NRG2: variants seen among roughly 807,000 people sequenced by gnomAD.
The protein encoded by NRG2 is neuregulin 2.
A neutral mutation model predicts 73.9 loss-of-function variants in NRG2; 27 were observed. That is an observed-to-expected ratio of 0.37 (90% CI 0.27 to 0.50). The LOEUF (loss-of-function observed/expected upper bound fraction) is 0.50, where lower values mean the gene tolerates loss of function less well. NRG2 is among the 20% of genes least tolerant of loss of function. The pLI is 0.96. For synonymous variants in NRG2, 532 were observed against 541.0 expected (o/e 0.98, Z 0.23); for missense variants, 1,126 against 1,210.1 (o/e 0.93, Z 1.03).
At position 140,042,552 on chromosome 5, in the gene NRG2, C is replaced by G; in HGVS notation, c.518G>C (p.Gly173Ala). The G allele has an allele frequency of 6.2e-7, 1 of 1,611,942 alleles. No homozygotes were observed. Among genetic ancestry groups the G allele is most frequent in the East Asian group, 2.2e-5 (1 of 44,756 alleles). The change falls in exon 1 of 10, where the codon GGG becomes GCG. Residue 173 changes from glycine to alanine, a missense_variant. Around this residue, in one of 3 missense-constraint regions of NRG2, gnomAD observed 539 missense variants for 703.2 expected, o/e 0.77. Coordinates refer to ENST00000361474, the MANE Select transcript of NRG2 (RefSeq NM_004883.3). ...GCTGATCACCTGCTCGCGCTGCAGC[C>G]CCCCGCTCCGGAGCGGCCACTTGTC... is the stretch of plus-strand genomic sequence containing the variant. ...VLDKWPLRSGGLQREQVISVG... is the reference protein window; with the variant it reads ...VLDKWPLRSGALQREQVISVG...
Position 139,880,819 on chromosome 5 carries a change from C to T in NRG2, c.991+37G>A, listed in dbSNP as rs764381155. 10 of 1,560,826 alleles carry T rather than the reference C, an allele frequency of 6.4e-6. No homozygotes were observed. In the Middle Eastern group the frequency reaches 6.8e-4, roughly 106 times the overall value. On this transcript the variant is annotated intron_variant, in intron 3 of 9. Transcript: ENST00000361474. Reference sequence around the variant, plus strand: ...GGGCCACTGGCCCGCCCTGCCAAACCCCTCTAGGACCCTTCCCTCTGTCTG... The same window carrying T: ...GGGCCACTGGCCCGCCCTGCCAAACTCCTCTAGGACCCTTCCCTCTGTCTG...
chr5:139,930,083 A>G (rs1752352932), intron 1 of NRG2, among the ~76,000 whole-genome samples: 1 of 152,204 alleles, frequency 6.6e-6, no homozygotes, highest in African/African-American at 2.4e-5. Context: ...TGTTTGTGGG[A>G]CAAACGAGGA....
intron 1 of NRG2, among the ~76,000 whole-genome samples, chr5:139,956,362 C>T (rs549091049): frequency 4.6e-5 from 7 of 151,398 alleles, no homozygotes; most frequent in Non-Finnish European, 7.4e-5. Flanking sequence ...TAATCTCCCC[C>T]CTCTCTGACT....
chr5:139,853,708 GT>G lies in NRG2; in HGVS notation c.1293-682del, dbSNP rs1761623300. Among the ~76,000 whole-genome samples, 3 of 152,000 alleles carry G rather than the reference GT, an allele frequency of 2.0e-5. No individual in the cohort carries two copies. Among genetic ancestry groups the G allele is most frequent in the African/African-American group, 7.2e-5 (3 of 41,384 alleles). On this transcript the variant is annotated intron_variant, in intron 6 of 9. Coordinates refer to ENST00000361474, the MANE Select transcript of NRG2 (RefSeq NM_004883.3). This position sits in a 1 kb window ranked among gnomAD's most constrained non-coding sequence, Gnocchi z 4.1. Reference sequence around the variant, plus strand: ...TTAAATCTAATCATGTCCCTCCCCTGTTTAAGACCCTTCATTGTGAACTCAC... The same window carrying G: ...TTAAATCTAATCATGTCCCTCCCCTGTTAAGACCCTTCATTGTGAACTCAC...
chr5:139,909,309 G>A (rs1765442163), intron 1 of NRG2, among the ~76,000 whole-genome samples: 1 of 152,164 alleles, frequency 6.6e-6, no homozygotes, highest in South Asian at 2.1e-4. Flanking sequence ...AGTGAAAGGG[G>A]AAAAAACCCC....
chr5:139,870,765 C>A lies in NRG2; in HGVS notation c.1112+956G>T, dbSNP rs1400667001. 6.6e-6 allele frequency among the ~76,000 whole-genome samples: 1 copy of A among 152,218 alleles called. No individual in the cohort carries two copies. The highest frequency in any genetic ancestry group is 1.5e-5 in the Non-Finnish European group (1 of 68,032). ...TGTCTGGAGCCTATGCTGCCCTCACCAAGCTCCCCTCCCCTCCTCACACAC... is the reference window on the plus strand; with the variant it reads ...TGTCTGGAGCCTATGCTGCCCTCACAAAGCTCCCCTCCCCTCCTCACACAC... On this transcript the variant is annotated intron_variant, in intron 4 of 9. Transcript: ENST00000361474. This position sits in a 1 kb window ranked among gnomAD's most constrained non-coding sequence, Gnocchi z 4.4.
intron 1 of NRG2, among the ~76,000 whole-genome samples, chr5:139,896,626 C>T (rs1764556596): frequency 6.6e-6 from 1 of 152,172 alleles, no homozygotes; most frequent in Non-Finnish European, 1.5e-5. Context: ...TCTTCTCTTC[C>T]AAGATTGCTC....
chr5:139,922,894 G>A (rs1751778344), intron 1 of NRG2, among the ~76,000 whole-genome samples: 1 of 152,196 alleles, frequency 6.6e-6, no homozygotes, highest in Admixed American at 6.5e-5. Flanking sequence ...AGACATTCTG[G>A]AAAAGGCAAA....
intron 1 of NRG2, among the ~76,000 whole-genome samples, chr5:139,999,098 C>T (rs1758243627): frequency 6.6e-6 from 1 of 152,122 alleles, no homozygotes; most frequent in Non-Finnish European, 1.5e-5. Context: ...AGCTGGAGTT[C>T]CTCATCCTTC....
intron 1 of NRG2, among the ~76,000 whole-genome samples, chr5:139,909,361 C>G (rs1277740565): frequency 1.3e-5 from 2 of 152,192 alleles, no homozygotes; most frequent in East Asian, 3.9e-4. Flanking sequence ...GACTCCGAGT[C>G]TTACCTATAC....
rs769308716 is a variant in NRG2 at position 140,043,078 on chromosome 5, GC to G, written c.-10del. 4.5e-6 allele frequency: 7 copies of G among 1,571,048 alleles called. No individual in the cohort carries two copies. The highest frequency in any genetic ancestry group is 6.0e-6 in the Non-Finnish European group (7 of 1,167,554). ...CAGCAAACCTGCCGCATCTGGCCAG[GC>G]CATTTGGGGGGCTCCGCCGCTCAGC... On this transcript the variant is annotated 5_prime_UTR_variant, in exon 1 of 10. Transcript: ENST00000361474. This position sits in a 1 kb window ranked among gnomAD's most constrained non-coding sequence, Gnocchi z 6.7.
chr5:140,001,345 GT>G (rs1561743399), intron 1 of NRG2, among the ~76,000 whole-genome samples: 1 of 152,134 alleles, frequency 6.6e-6, no homozygotes. Context: ...GATACCATTA[GT>G]TTTTTCACAC....
At chr5:140,025,164 C>T (rs1363297837) in intron 1 of NRG2, among the ~76,000 whole-genome samples, 1 of 152,146 alleles carries the variant, frequency 6.6e-6, no homozygotes, top group Non-Finnish European at 1.5e-5. Context: ...ACACATAGCC[C>T]AACACTCCTC....
chr5:139,987,361 C>CT (rs1757246930), intron 1 of NRG2, among the ~76,000 whole-genome samples: 1 of 117,078 alleles, frequency 8.5e-6, no homozygotes, highest in Non-Finnish European at 1.7e-5. Flanking sequence ...GAGCAAGACT[C>CT]TGTCTCAAAA....
chr5:139,849,786 C>G (rs1761287186), intron 9 of NRG2, among the ~76,000 whole-genome samples: 1 of 152,220 alleles, frequency 6.6e-6, no homozygotes, highest in African/African-American at 2.4e-5. Context: ...TCTCCGGAAG[C>G]ACACTCTCCA....
At chr5:139,960,455 C>A (rs1188266247) in intron 1 of NRG2, among the ~76,000 whole-genome samples, 1 of 152,206 alleles carries the variant, frequency 6.6e-6, no homozygotes, top group Non-Finnish European at 1.5e-5. Context: ...GTGGAGGCTG[C>A]AGTGAGCCAA....
intron 1 of NRG2, among the ~76,000 whole-genome samples, chr5:139,902,320 T>A (rs1239445454): frequency 1.3e-5 from 2 of 152,206 alleles, no homozygotes; most frequent in Admixed American, 1.3e-4. Flanking sequence ...CCAGCACTCC[T>A]GCACTGAGGC....
chr5:139,892,393 G>A (rs979774125), intron 1 of NRG2, among the ~76,000 whole-genome samples: 2 of 152,074 alleles, frequency 1.3e-5, no homozygotes, highest in Non-Finnish European at 2.9e-5. Context: ...TTCTTATCCT[G>A]AGCCACCATC....
intron 1 of NRG2, among the ~76,000 whole-genome samples, chr5:139,996,371 G>A (rs1022041884): frequency 2.6e-5 from 4 of 152,128 alleles, no homozygotes; most frequent in Admixed American, 6.5e-5. Context: ...CTAGTTAACC[G>A]ATGCCTCATC....
Sources: gnomAD v4.1 joint callset for allele counts (sites outside exome capture counted in the v4.1 genomes callset) on GRCh38, gnomAD v4.1.1 for gene constraint, gnomAD v4.1.1 regional missense constraint, Gnocchi (gnomAD v3.1) non-coding constraint, MANE v1.5 for transcripts, NCBI Gene and HGNC (gene_info 2026-07-23, HGNC 2026-07-21) for gene names.